Variants in CALD1 observed in about 807,000 individuals in gnomAD.
CALD1 encodes caldesmon.
A neutral mutation model predicts 99.9 loss-of-function variants in CALD1; 33 were observed. The observed-to-expected ratio is 0.33, with a 90% CI of 0.25 to 0.44. CALD1 has a LOEUF of 0.44. CALD1 is among the 20% of genes least tolerant of loss of function. The pLI, the probability that CALD1 is intolerant of heterozygous loss-of-function variation, is 1.00. For synonymous variants in CALD1, 310 were observed against 325.0 expected (o/e 0.95, Z 0.50); for missense variants, 861 against 962.1 (o/e 0.89, Z 1.39).
At chr7:134,935,863 TA>T in intron 6 of CALD1, 98 bp downstream of exon 6, 1 of 1,165,950 alleles carries the variant, frequency 8.6e-7, no homozygotes, top group Admixed American at 2.8e-5. Flanking sequence ...TGTAACCTCA[TA>T]TCCAGTGTAT....
intron 2 of CALD1, among the ~76,000 whole-genome samples, chr7:134,856,229 T>G (rs1800295523): frequency 6.6e-6 from 1 of 152,222 alleles, no homozygotes; most frequent in African/African-American, 2.4e-5. Context: ...CAGAGTGAGC[T>G]TCTGCATTTT....
At chr7:134,930,008 G>A (rs1280665571) in intron 4 of CALD1, among the ~76,000 whole-genome samples, 6 of 151,984 alleles carry the variant, frequency 3.9e-5, no homozygotes, top group East Asian at 1.9e-4. Context: ...TAGGTAACAC[G>A]TGAATTTTTA....
intron 4 of CALD1, among the ~76,000 whole-genome samples, chr7:134,931,204 G>A (rs1805498720): frequency 6.6e-6 from 1 of 151,976 alleles, no homozygotes; most frequent in South Asian, 2.1e-4. Context: ...ACTCTAACTG[G>A]CATTTGATAT....
At chr7:134,720,525 A>G in the CALD1 span, among the ~76,000 whole-genome samples, 3 of 152,230 alleles carry the variant, frequency 2.0e-5, no homozygotes, top group Non-Finnish European at 4.4e-5. Flanking sequence ...ACAAAGTACA[A>G]TGATAAATGT....
chr7:134,828,027 G>A (rs62462555), intron 1 of CALD1, among the ~76,000 whole-genome samples: 17,115 of 152,194 alleles, frequency 0.11, 1,126 homozygotes, highest in South Asian at 0.19. Flanking sequence ...CTTTGGTTTC[G>A]TTGATGTGAA....
chr7:134,937,246 A>G (rs1257107882), intron 6 of CALD1, among the ~76,000 whole-genome samples: 2 of 152,190 alleles, frequency 1.3e-5, no homozygotes, highest in East Asian at 3.8e-4. Flanking sequence ...AGAAGGGCCC[A>G]TCAGTTGCCA....
intron 1 of CALD1, among the ~76,000 whole-genome samples, chr7:134,762,163 AG>A (rs1429945051): frequency 6.6e-6 from 1 of 152,242 alleles, no homozygotes; most frequent in Admixed American, 6.5e-5. Context: ...TTGAGGAAGA[AG>A]GCTGGTCCAA....
chr7:134,858,387 T>C (rs181321859), intron 2 of CALD1, among the ~76,000 whole-genome samples: 113 of 152,128 alleles, frequency 7.4e-4, no homozygotes, highest in African/African-American at 2.4e-3. Context: ...AGAGTACCAA[T>C]GAGGGAATTA....
Position 134,941,136 on chromosome 7 carries a change from A to C in CALD1, c.1431A>C (p.Glu477Asp). 1.2e-6 allele frequency: 2 copies of C among 1,612,670 alleles called. No individual in the cohort carries two copies. The highest frequency in any genetic ancestry group is 1.1e-5 in the South Asian group (1 of 90,784). ...KIKKDKEPKE[E>D]VKSFMDRKKG... ...AAAAGGACAAAGAACCCAAAGAAGA[A>C]GTTAAGAGCTTCATGGATCGAAAGA... Residue 477 changes from glutamate (E) to aspartate (D), a missense_variant, in exon 7 of 15, where the codon GAA becomes GAC. This residue lies in a region of CALD1 where 293 missense variants were observed against 262.7 expected (regional missense o/e 1.12). Transcript: ENST00000361675.
At chr7:134,816,051 GC>G (rs1798549842) in intron 1 of CALD1, among the ~76,000 whole-genome samples, 1 of 152,040 alleles carries the variant, frequency 6.6e-6, no homozygotes, top group Non-Finnish European at 1.5e-5. Flanking sequence ...GTGCTATCCT[GC>G]TTTCACTCAG....
Position 134,958,227 on chromosome 7 carries a change from C to G in CALD1, c.1998C>G (p.Thr666=). 1 of 1,613,746 alleles carries G rather than the reference C, an allele frequency of 6.2e-7. No homozygotes were observed. The highest frequency in any genetic ancestry group is 2.2e-5 in the East Asian group (1 of 44,850). ...SVQKSSGVKS[T]HQAAIVSKID... Reference sequence around the variant, plus strand: ...TTTTTAGCAGTGGTGTCAAATCGACCCATCAAGCAGCAATAGTCTCCAAGA... The same window carrying G: ...TTTTTAGCAGTGGTGTCAAATCGACGCATCAAGCAGCAATAGTCTCCAAGA... Residue 666 remains threonine, a synonymous_variant, in exon 11 of 15, where the codon ACC becomes ACG. Transcript: ENST00000361675.
At chr7:134,876,367 C>T (rs924958986) in intron 3 of CALD1, among the ~76,000 whole-genome samples, 1 of 152,142 alleles carries the variant, frequency 6.6e-6, no homozygotes, top group Non-Finnish European at 1.5e-5. Flanking sequence ...CCTGATCTTG[C>T]TATATGTAAA....
chr7:134,813,543 T>C (rs138573970), intron 1 of CALD1, among the ~76,000 whole-genome samples: 76 of 152,234 alleles, frequency 5.0e-4, no homozygotes, highest in Non-Finnish European at 8.7e-4. Context: ...AGACAAACTA[T>C]CCAGATTCAG....
chr7:134,837,899 A>T (rs1799508558), intron 1 of CALD1, among the ~76,000 whole-genome samples: 1 of 152,220 alleles, frequency 6.6e-6, no homozygotes, highest in African/African-American at 2.4e-5. Flanking sequence ...TAGGTTATTA[A>T]GTGTAGAGTT....
chr7:134,816,348 A>T (rs929289998), intron 1 of CALD1, among the ~76,000 whole-genome samples: 1 of 152,190 alleles, frequency 6.6e-6, no homozygotes, highest in African/African-American at 2.4e-5. Flanking sequence ...CAGTTTGTCC[A>T]TTGGCAGCCA....
chr7:134,924,935 T>A (rs1300824523), intron 3 of CALD1, among the ~76,000 whole-genome samples: 1 of 152,174 alleles, frequency 6.6e-6, no homozygotes, highest in Non-Finnish European at 1.5e-5. Flanking sequence ...TGCCACCTAG[T>A]GAAGAAGGTG....
upstream of CALD1, among the ~76,000 whole-genome samples, chr7:134,741,617 C>T (rs1310275004): frequency 6.6e-6 from 1 of 151,966 alleles, no homozygotes; most frequent in Non-Finnish European, 1.5e-5. Context: ...TGCTTTAGTG[C>T]CCAATGCATA....
intron 1 of CALD1, among the ~76,000 whole-genome samples, chr7:134,785,329 G>C (rs886253556): frequency 2.0e-5 from 3 of 152,120 alleles, no homozygotes; most frequent in Non-Finnish European, 2.9e-5. Context: ...AAAACATTCT[G>C]GATATTATTG....
At chr7:134,846,927 G>A (rs1479259682) in intron 2 of CALD1, among the ~76,000 whole-genome samples, 2 of 152,210 alleles carry the variant, frequency 1.3e-5, no homozygotes, top group Admixed American at 1.3e-4. Context: ...TATATCAAAT[G>A]AGAAATGTTG....
Sources: allele counts gnomAD v4.1 joint callset (sites outside exome capture counted in the v4.1 genomes callset), GRCh38; gene constraint gnomAD v4.1.1; regional missense constraint gnomAD v4.1.1; transcripts MANE v1.5; gene names NCBI Gene and HGNC (gene_info 2026-07-23, HGNC 2026-07-21).